SLC4A4: variants seen among roughly 807,000 people sequenced by gnomAD.
SLC4A4 encodes the protein solute carrier family 4 member 4, also known as electrogenic sodium bicarbonate cotransporter 1.
In SLC4A4, 27 loss-of-function variants were observed where a neutral mutation model predicts 111.5. The ratio of observed to expected loss-of-function variants is 0.24; its 90% CI spans 0.18 to 0.33. The LOEUF (loss-of-function observed/expected upper bound fraction) is 0.33. Ranked by LOEUF, SLC4A4 falls within the 10% of genes least tolerant of loss-of-function variation. The pLI, the probability that SLC4A4 is intolerant of heterozygous loss-of-function variation, is 1.00. For synonymous variants in SLC4A4, 443 were observed against 463.4 expected (o/e 0.96, Z 0.57); for missense variants, 909 against 1,315.5 (o/e 0.69, Z 4.78).
intron 3 of SLC4A4, among the ~76,000 whole-genome samples, chr4:71,267,056 T>G (rs1338323571): frequency 6.6e-6 from 1 of 152,140 alleles, no homozygotes; most frequent in Non-Finnish European, 1.5e-5. Context: ...CAAAAATATT[T>G]ATTGAAGGTC....
rs71673473 is a variant in SLC4A4, at chr4:71,366,315, T to TTGTGTGTGTGTGTGTGTG, written c.730+9152_730+9169dup. ...AAAAAAAGCATTTTTTCTGGAGATATTGTGTGTGTGTGTGTGTGTGTGTGT... is the reference window on the plus strand; with the variant it reads ...AAAAAAAGCATTTTTTCTGGAGATATTGTGTGTGTGTGTGTGTGTGTGTGTGTGTGTGTGTGTGTGTGT... On this transcript the variant is annotated intron_variant, in intron 6 of 25. Coordinates refer to ENST00000264485, the MANE Select transcript of SLC4A4 (RefSeq NM_001098484.3). Among the ~76,000 whole-genome samples the TTGTGTGTGTGTGTGTGTG allele has an allele frequency of 8.8e-4, 122 of 138,000 alleles. 2 individuals are homozygous for TTGTGTGTGTGTGTGTGTG. Among genetic ancestry groups the TTGTGTGTGTGTGTGTGTG allele is most frequent in the Admixed American group, 4.3e-3 (59 of 13,572 alleles). 90.5% of individuals were successfully genotyped at this position (138,000 alleles called of 152,430 possible). A position where few individuals can be genotyped will look rare whatever the true frequency, so the allele number is the denominator to read the frequency against.
At chr4:71,454,758 T>C (rs1161508983) in intron 12 of SLC4A4, among the ~76,000 whole-genome samples, 1 of 152,190 alleles carries the variant, frequency 6.6e-6, no homozygotes, top group Admixed American at 6.5e-5. Context: ...TCTTATCTAG[T>C]ACTGCATAGC....
At chr4:71,382,645 A>G (rs1718265550) in intron 6 of SLC4A4, among the ~76,000 whole-genome samples, 1 of 152,168 alleles carries the variant, frequency 6.6e-6, no homozygotes, top group African/African-American at 2.4e-5. Flanking sequence ...AAAGTATGTA[A>G]ATGGATATTA....
At chr4:71,507,366 C>T (rs1731511181) in intron 16 of SLC4A4, among the ~76,000 whole-genome samples, 1 of 152,038 alleles carries the variant, frequency 6.6e-6, no homozygotes, top group Non-Finnish European at 1.5e-5. Context: ...CATGCAAAGA[C>T]ACACATAGGC....
chr4:71,290,282 A>G (rs2066076069), intron 3 of SLC4A4, among the ~76,000 whole-genome samples: 1 of 152,142 alleles, frequency 6.6e-6, no homozygotes, highest in East Asian at 1.9e-4. Context: ...TGAGGGAGAA[A>G]TGCAGAAAGC....
At chr4:71,335,935 A>T (rs1728404541) in intron 3 of SLC4A4, among the ~76,000 whole-genome samples, 1 of 152,072 alleles carries the variant, frequency 6.6e-6, no homozygotes, top group Non-Finnish European at 1.5e-5. Flanking sequence ...TATTTAGCAG[A>T]TTTTTTTCTG....
At chr4:71,112,821 G>A (rs796335843) in intron 2 of SLC4A4, among the ~76,000 whole-genome samples, 11 of 152,262 alleles carry the variant, frequency 7.2e-5, no homozygotes, top group African/African-American at 2.6e-4. Flanking sequence ...CACTGCGTTA[G>A]GTAATTTGAA....
At chr4:71,322,621 G>T (rs1727201893) in intron 3 of SLC4A4, among the ~76,000 whole-genome samples, 2 of 151,974 alleles carry the variant, frequency 1.3e-5, no homozygotes, top group Admixed American at 1.3e-4. Flanking sequence ...TGGAGAAAAT[G>T]CTGATGTGTT....
At position 71,546,398 on chromosome 4, in the gene SLC4A4, G is replaced by A; in HGVS notation, c.2491G>A (p.Val831Ile). The A allele has an allele frequency of 6.2e-7, 1 of 1,612,890 alleles. No individual in the cohort carries two copies. The highest frequency in any genetic ancestry group is 8.5e-7 in the Non-Finnish European group (1 of 1,179,156). Reference sequence around the variant, plus strand: ...TCTCTTTTGGGTGGCCATCCTCATGGTTATATGCTCCCTCATGGCTCTTCC... The same window carrying A: ...TCTCTTTTGGGTGGCCATCCTCATGATTATATGCTCCCTCATGGCTCTTCC... ...LDLFWVAILM[V>I]ICSLMALPWY... is the part of the protein sequence containing the mutation. The change falls in exon 19 of 26, where the codon GTT (valine) becomes ATT (isoleucine). Residue 831 changes from valine to isoleucine, a missense_variant. Coordinates refer to ENST00000264485, the MANE Select transcript of SLC4A4 (RefSeq NM_001098484.3).
chr4:71,364,537 G>A (rs1188549853), intron 6 of SLC4A4, among the ~76,000 whole-genome samples: 1 of 152,142 alleles, frequency 6.6e-6, no homozygotes, highest in Non-Finnish European at 1.5e-5. Flanking sequence ...ACTGGTGAGA[G>A]CCCTTTCCTC....
intron 1 of SLC4A4, among the ~76,000 whole-genome samples, chr4:71,088,310 G>A (rs1742257003): frequency 6.6e-6 from 1 of 151,644 alleles, no homozygotes; most frequent in Non-Finnish European, 1.5e-5. Flanking sequence ...CTGCACCTGA[G>A]GTGGGTTTCC....
At chr4:71,345,493 TA>T (rs1327221478) in intron 4 of SLC4A4, among the ~76,000 whole-genome samples, 1 of 152,106 alleles carries the variant, frequency 6.6e-6, no homozygotes, top group Non-Finnish European at 1.5e-5. Context: ...CAAACTTGGG[TA>T]TAAAGGAAAG....
intron 1 of SLC4A4, among the ~76,000 whole-genome samples, chr4:71,065,034 A>G (rs930790289): frequency 2.0e-5 from 3 of 152,158 alleles, no homozygotes; most frequent in African/African-American, 4.8e-5. Flanking sequence ...CCTGTTGTAT[A>G]AAATATAATA....
Position 71,463,491 on chromosome 4 carries a change from G to T in SLC4A4, c.1498-2953G>T, listed in dbSNP as rs533344172. Among the ~76,000 whole-genome samples the T allele has an allele frequency of 3.3e-5, 5 of 152,264 alleles. No individual in the cohort carries two copies. In the East Asian group the frequency reaches 7.7e-4, roughly 23 times the overall value. On this transcript the variant is annotated intron_variant, in intron 12 of 25. Transcript: ENST00000264485. ...ATACTGGAAACATCTCTAAGTTTAAGCAAGTTTCCAGTGCAGTGTGTATAA... is the reference window on the plus strand; with the variant it reads ...ATACTGGAAACATCTCTAAGTTTAATCAAGTTTCCAGTGCAGTGTGTATAA...
chr4:71,270,705 G>C (rs540321984), intron 3 of SLC4A4, among the ~76,000 whole-genome samples: 1 of 152,284 alleles, frequency 6.6e-6, no homozygotes, highest in African/African-American at 2.4e-5. Flanking sequence ...TACCAGTTAT[G>C]TGATGTATCC....
At chr4:71,557,923 T>C (rs1246658860) in intron 22 of SLC4A4, 38 bp downstream of exon 22, 2 of 1,526,696 alleles carry the variant, frequency 1.3e-6, no homozygotes, top group East Asian at 4.5e-5. Flanking sequence ...TGTGAGATTA[T>C]ATGAGTATCA....
Position 71,450,509 on chromosome 4 carries a change from G to C in SLC4A4, c.1174G>C (p.Glu392Gln). The C allele has an allele frequency of 6.2e-7, 1 of 1,613,738 alleles. No individual in the cohort carries two copies. Among genetic ancestry groups the C allele is most frequent in the African/African-American group, 1.3e-5 (1 of 75,016 alleles). Residue 392 changes from glutamate to glutamine, a missense_variant, in exon 10 of 26, where the codon GAG becomes CAG. Transcript: ENST00000264485. Reference sequence around the variant, plus strand: ...GGAATGGGATCCAGCAATTAGGATAGAGCCTCCTAAGAGTCTTCCATCCTC... The same window carrying C: ...GGAATGGGATCCAGCAATTAGGATACAGCCTCCTAAGAGTCTTCCATCCTC... ...PGEWDPAIRI[E>Q]PPKSLPSSDK... is the part of the protein sequence containing the mutation.
chr4:71,433,037 G>A (rs1723784870), intron 7 of SLC4A4, among the ~76,000 whole-genome samples: 1 of 151,976 alleles, frequency 6.6e-6, no homozygotes, highest in Admixed American at 6.6e-5. Context: ...TATAATTGTT[G>A]AATTATTTTC....
intron 6 of SLC4A4, among the ~76,000 whole-genome samples, chr4:71,368,172 T>G (rs1560446471): frequency 6.6e-6 from 1 of 152,196 alleles, no homozygotes; most frequent in African/African-American, 2.4e-5. Flanking sequence ...GCAAAATAAA[T>G]GACATGGAGC....
Sources: gnomAD v4.1 joint callset for allele counts (sites outside exome capture counted in the v4.1 genomes callset) on GRCh38, gnomAD v4.1.1 for gene constraint, MANE v1.5 for transcripts, NCBI Gene and HGNC (gene_info 2026-07-23, HGNC 2026-07-21) for gene names.